The following LYPLAL1 variants were observed in gnomAD, a reference collection of about 807,000 sequenced individuals.
LYPLAL1 encodes the protein lysophospholipase-like protein 1.
A neutral mutation model predicts 19.7 loss-of-function variants in LYPLAL1; 23 were observed. The observed-to-expected ratio is 1.17, with a 90% CI of 0.84 to 1.65. The LOEUF (loss-of-function observed/expected upper bound fraction) is 1.65. Ranked by LOEUF, LYPLAL1 falls within the 40% of genes most tolerant of loss-of-function variation. LYPLAL1 has a pLI of 0.00. For synonymous variants in LYPLAL1, 119 were observed against 96.3 expected (o/e 1.24, Z -1.38); for missense variants, 355 against 279.4 (o/e 1.27, Z -1.93).
the LYPLAL1 span, among the ~76,000 whole-genome samples, chr1:219,265,240 T>C: frequency 6.6e-6 from 1 of 152,190 alleles, no homozygotes; most frequent in Non-Finnish European, 1.5e-5. Context: ...AAAAGCAGCA[T>C]GTTATTATAT....
At chr1:219,381,125 G>A in the LYPLAL1 span, among the ~76,000 whole-genome samples, 1 of 152,138 alleles carries the variant, frequency 6.6e-6, no homozygotes, top group Non-Finnish European at 1.5e-5. Flanking sequence ...GAGAGGGACC[G>A]GGTGGGAGGT....
chr1:219,310,310 T>A, the LYPLAL1 span, among the ~76,000 whole-genome samples: 1 of 152,250 alleles, frequency 6.6e-6, no homozygotes, highest in South Asian at 2.1e-4. Context: ...CTCCCTCATT[T>A]TCTCACATGC....
chr1:219,327,852 C>T, the LYPLAL1 span, among the ~76,000 whole-genome samples: 1 of 152,132 alleles, frequency 6.6e-6, no homozygotes, highest in Non-Finnish European at 1.5e-5. Context: ...ATGTGCCTTT[C>T]ATCTTCCACC....
chr1:219,400,812 A>G, the LYPLAL1 span, among the ~76,000 whole-genome samples: 2 of 152,168 alleles, frequency 1.3e-5, no homozygotes, highest in African/African-American at 4.8e-5. Flanking sequence ...TCTATCATCT[A>G]TCTATCTATC....
the LYPLAL1 span, among the ~76,000 whole-genome samples, chr1:219,425,738 ATT>A: frequency 2.6e-5 from 4 of 152,210 alleles, no homozygotes; most frequent in Admixed American, 6.5e-5. Flanking sequence ...GATCAAATGC[ATT>A]TATTATCCTA....
intron 3 of LYPLAL1, among the ~76,000 whole-genome samples, chr1:219,202,879 GTC>G (rs1658234651): frequency 6.6e-6 from 1 of 151,692 alleles, no homozygotes; most frequent in Admixed American, 6.6e-5. Flanking sequence ...TAGAGATGGA[GTC>G]TCTCTATGTT....
the LYPLAL1 span, among the ~76,000 whole-genome samples, chr1:219,347,487 G>C: frequency 6.6e-6 from 1 of 152,058 alleles, no homozygotes; most frequent in Non-Finnish European, 1.5e-5. Context: ...AATCACCGGG[G>C]CCTTGTCCTG....
chr1:219,230,887 G>C, the LYPLAL1 span, among the ~76,000 whole-genome samples: 13 of 152,346 alleles, frequency 8.5e-5, no homozygotes, highest in Admixed American at 7.8e-4. Flanking sequence ...TGCCAGGGCA[G>C]TTCTCCATCC....
chr1:219,251,338 T>A, the LYPLAL1 span, among the ~76,000 whole-genome samples: 2 of 152,006 alleles, frequency 1.3e-5, no homozygotes, highest in Admixed American at 1.3e-4. Context: ...TTGCTTTTGG[T>A]GTTTTTGTCA....
chr1:219,243,468 TA>T, the LYPLAL1 span, among the ~76,000 whole-genome samples: 1 of 152,080 alleles, frequency 6.6e-6, no homozygotes, highest in African/African-American at 2.4e-5. Flanking sequence ...AGAGCAGGTT[TA>T]TTAAGCTGGA....
chr1:219,372,857 T>A, the LYPLAL1 span, among the ~76,000 whole-genome samples: 1 of 152,074 alleles, frequency 6.6e-6, no homozygotes, highest in Non-Finnish European at 1.5e-5. Flanking sequence ...TGTACCGTGA[T>A]CATGCTACTG....
chr1:219,238,122 C>CTTTTTTTTTTTTTTTTTTTTTTTTTTTT, the LYPLAL1 span, among the ~76,000 whole-genome samples: 1 of 103,894 alleles, frequency 9.6e-6, no homozygotes, highest in Non-Finnish European at 1.8e-5. Context: ...TGGATCTAAA[C>CTTTTTTTTTTTTTTTTTTTTTTTTTTTT]TTTTTTTTTT....
At chr1:219,245,439 G>A in the LYPLAL1 span, among the ~76,000 whole-genome samples, 1 of 152,086 alleles carries the variant, frequency 6.6e-6, no homozygotes, top group African/African-American at 2.4e-5. Flanking sequence ...TGATTGCTAA[G>A]GAATCCCTTA....
chr1:219,340,875 C>T, the LYPLAL1 span, among the ~76,000 whole-genome samples: 2 of 151,980 alleles, frequency 1.3e-5, no homozygotes, highest in Non-Finnish European at 2.9e-5. Flanking sequence ...ACCCAGGAAC[C>T]CATTTGTTTT....
At chr1:219,276,183 A>G in the LYPLAL1 span, among the ~76,000 whole-genome samples, 10 of 152,326 alleles carry the variant, frequency 6.6e-5, no homozygotes, top group South Asian at 2.1e-3. Context: ...TGAAGAAAAA[A>G]AAACATTAAT....
intron 3 of LYPLAL1, among the ~76,000 whole-genome samples, chr1:219,203,818 A>G (rs1201551833): frequency 2.0e-5 from 3 of 152,190 alleles, no homozygotes; most frequent in Non-Finnish European, 4.4e-5. Context: ...GAAGGTCAGA[A>G]AAACAGCAAG....
the LYPLAL1 span, among the ~76,000 whole-genome samples, chr1:219,328,380 A>G: frequency 6.6e-6 from 1 of 152,216 alleles, no homozygotes; most frequent in Non-Finnish European, 1.5e-5. Context: ...TCTACATGAT[A>G]GTAAGCCTTC....
chr1:219,325,944 A>G, the LYPLAL1 span, among the ~76,000 whole-genome samples: 1 of 152,260 alleles, frequency 6.6e-6, no homozygotes, highest in Non-Finnish European at 1.5e-5. Context: ...GAATCACCTA[A>G]ATGATGCAAT....
chr1:219,366,748 T>C, the LYPLAL1 span, among the ~76,000 whole-genome samples: 4 of 152,152 alleles, frequency 2.6e-5, no homozygotes, highest in Admixed American at 2.0e-4. Context: ...GGAGGAAAAC[T>C]GTATGGATGG....
Sources: allele counts gnomAD v4.1 joint callset (sites outside exome capture counted in the v4.1 genomes callset), GRCh38; gene constraint gnomAD v4.1.1; transcripts MANE v1.5; gene names NCBI Gene and HGNC (gene_info 2026-07-23, HGNC 2026-07-21).